CAGE1: variants seen among roughly 807,000 people sequenced by gnomAD.
CAGE1 encodes cancer-associated gene 1 protein.
In CAGE1, 66 loss-of-function variants were observed where a neutral mutation model predicts 94.9. The ratio of observed to expected loss-of-function variants is 0.70; its 90% CI spans 0.57 to 0.85. The LOEUF (loss-of-function observed/expected upper bound fraction) is 0.85, where lower values mean the gene tolerates loss of function less well. Among genes scored for constraint, CAGE1 ranks in the 40% least tolerant of loss-of-function variants. The pLI is 0.00. For missense variants in CAGE1, 865 were observed against 950.4 expected (o/e 0.91, Z 1.18); for synonymous variants, 319 against 321.0 (o/e 0.99, Z 0.07).
At chr6:7,376,407 A>T (rs901917725) in intron 4 of CAGE1, among the ~76,000 whole-genome samples, 4 of 150,444 alleles carry the variant, frequency 2.7e-5, no homozygotes, top group Non-Finnish European at 5.9e-5. Context: ...TAAATAAATA[A>T]ATAAATAAAT....
chr6:7,371,773 C>G (rs1006371768), intron 5 of CAGE1, among the ~76,000 whole-genome samples: 1 of 152,018 alleles, frequency 6.6e-6, no homozygotes, highest in Admixed American at 6.6e-5. Context: ...GGCGACAGAG[C>G]GAGACTCTGT....
chr6:7,369,069 C>T (rs1049531636), intron 6 of CAGE1, among the ~76,000 whole-genome samples: 73 of 149,078 alleles, frequency 4.9e-4, no homozygotes, highest in Non-Finnish European at 9.5e-4. Flanking sequence ...AGTGCAGTGG[C>T]GCGATCTCTG....
intron 1 of CAGE1, among the ~76,000 whole-genome samples, chr6:7,388,103 G>A (rs887595365): frequency 1.3e-5 from 2 of 151,088 alleles, no homozygotes; most frequent in Non-Finnish European, 2.9e-5. Flanking sequence ...TGCCACACTG[G>A]TCCATATTCT....
At chr6:7,372,290 G>A (rs1031431849) in intron 5 of CAGE1, among the ~76,000 whole-genome samples, 6 of 151,890 alleles carry the variant, frequency 4.0e-5, no homozygotes, top group South Asian at 2.1e-4. Context: ...TGGCCAACAC[G>A]GTGAAACCCC....
chr6:7,374,200 G>T, intron 4 of CAGE1, 69 bp from the exon 5 acceptor site: 2 of 1,313,274 alleles, frequency 1.5e-6, no homozygotes, highest in Non-Finnish European at 2.1e-6. Context: ...GTCAAATAGG[G>T]CTGGCCTTGA....
intron 1 of CAGE1, 33 bp from the exon 2 acceptor site, chr6:7,387,229 T>C (rs9406027): frequency 0.39 from 516,695 of 1,334,570 alleles, 102,722 homozygotes; most frequent in African/African-American, 0.57. Context: ...TTAGTAGGTA[T>C]AAACAAAAAG....
At chr6:7,369,400 C>T (rs1760466239) in intron 6 of CAGE1, among the ~76,000 whole-genome samples, 1 of 152,114 alleles carries the variant, frequency 6.6e-6, no homozygotes, top group African/African-American at 2.4e-5. Flanking sequence ...GATAAGGAAA[C>T]TGAAATGGAA....
At chr6:7,379,795 C>A (rs1760872649) in intron 3 of CAGE1, among the ~76,000 whole-genome samples, 1 of 152,046 alleles carries the variant, frequency 6.6e-6, no homozygotes, top group African/African-American at 2.4e-5. Flanking sequence ...ATAAAGTTCC[C>A]AGATTTCCTC....
intron 11 of CAGE1, among the ~76,000 whole-genome samples, chr6:7,343,548 A>C (rs2164258): frequency 0.46 from 70,119 of 152,072 alleles, 16,589 homozygotes; most frequent in African/African-American, 0.55. Flanking sequence ...GGGTAGAAAT[A>C]ACAGTTGCTG....
intron 11 of CAGE1, among the ~76,000 whole-genome samples, chr6:7,350,169 A>G (rs1487569117): frequency 6.6e-6 from 1 of 152,230 alleles, no homozygotes; most frequent in East Asian, 1.9e-4. Context: ...AAAGAGAGAC[A>G]TTATATGGTA....
chr6:7,357,955 G>C (rs1374219958), intron 9 of CAGE1, among the ~76,000 whole-genome samples: 2 of 146,546 alleles, frequency 1.4e-5, no homozygotes, highest in Non-Finnish European at 3.0e-5. Context: ...CACCACACCT[G>C]GCTAGTTTTC....
Position 7,387,200 on chromosome 6 carries a change from TA to T in CAGE1, c.-23-5del, listed in dbSNP as rs35613760. ...ACTGTTGAACAATAGAAGACTTCTT[TA>T]AAAAAAAAATGTGTCTATTAGTAGG... is the stretch of plus-strand genomic sequence containing the variant. On this transcript the variant is annotated splice_polypyrimidine_tract_variant and splice_region_variant and intron_variant, in intron 1 of 13. Coordinates refer to ENST00000502583, the MANE Select transcript of CAGE1 (RefSeq NM_001170692.2). 1,965 of 1,354,944 alleles carry T rather than the reference TA, an allele frequency of 1.5e-3. 1 individual carries two copies. Among genetic ancestry groups the T allele is most frequent in the East Asian group, 3.6e-3 (131 of 36,844 alleles). 83.9% of individuals were successfully genotyped at this position (1,354,944 alleles called of 1,614,324 possible). A position where few individuals can be genotyped will look rare whatever the true frequency, so the allele number is the denominator to read the frequency against.
intron 5 of CAGE1, among the ~76,000 whole-genome samples, chr6:7,370,405 C>T (rs1760499391): frequency 6.6e-6 from 1 of 152,044 alleles, no homozygotes; most frequent in South Asian, 2.1e-4. Context: ...ACAATCCTCC[C>T]ACCTCAGTCT....
chr6:7,335,999 C>A (rs1758941545), intron 11 of CAGE1, among the ~76,000 whole-genome samples: 1 of 152,186 alleles, frequency 6.6e-6, no homozygotes, highest in African/African-American at 2.4e-5. Flanking sequence ...CACATATACC[C>A]TAGAATATAA....
intron 4 of CAGE1, among the ~76,000 whole-genome samples, chr6:7,375,275 G>A (rs1365573691): frequency 5.3e-5 from 8 of 151,716 alleles, no homozygotes; most frequent in South Asian, 2.1e-4. Context: ...TGCGCGTGGC[G>A]GTGTGCACCT....
intron 11 of CAGE1, among the ~76,000 whole-genome samples, chr6:7,337,155 T>C (rs1758983065): frequency 6.6e-6 from 1 of 151,922 alleles, no homozygotes; most frequent in African/African-American, 2.4e-5. Flanking sequence ...ACCCCGTCTC[T>C]ACTAAAAATA....
At position 7,343,450 on chromosome 6, in the gene CAGE1, TAGAA is replaced by T. The variant is rs552728437; in HGVS notation, c.2370-9364_2370-9361del. 7.7e-4 allele frequency among the ~76,000 whole-genome samples: 118 copies of T among 152,302 alleles called. 2 individuals carry two copies. Among genetic ancestry groups the T allele is most frequent in the Middle Eastern group, 6.8e-3 (2 of 294 alleles). ...TCTGTACTCAAAGTATCATGAAACT[TAGAA>T]AGAAAGGTTGTGGATTTACACTGAA... is the stretch of plus-strand genomic sequence containing the variant. On this transcript the variant is annotated intron_variant, in intron 11 of 13. Coordinates refer to ENST00000502583, the MANE Select transcript of CAGE1 (RefSeq NM_001170692.2).
intron 3 of CAGE1, among the ~76,000 whole-genome samples, chr6:7,385,206 TG>T (rs1383557330): frequency 6.6e-6 from 1 of 152,112 alleles, no homozygotes; most frequent in Admixed American, 6.5e-5. Flanking sequence ...GGTTTCTCCA[TG>T]TTGGTCAGGC....
At chr6:7,378,182 A>G (rs1388950262) in intron 4 of CAGE1, among the ~76,000 whole-genome samples, 2 of 152,084 alleles carry the variant, frequency 1.3e-5, no homozygotes, top group Non-Finnish European at 2.9e-5. Context: ...TCTCTAATAA[A>G]CTTGTTTGTG....
Sources: gnomAD v4.1 joint callset for allele counts (sites outside exome capture counted in the v4.1 genomes callset) on GRCh38, gnomAD v4.1.1 for gene constraint, MANE v1.5 for transcripts, NCBI Gene and HGNC (gene_info 2026-07-23, HGNC 2026-07-21) for gene names.